Variants in DOCK8 observed in about 807,000 individuals in gnomAD.
DOCK8 encodes the protein dedicator of cytokinesis protein 8.
DOCK8 carries 141 observed loss-of-function variants against 245.6 expected under a neutral mutation model. That is an observed-to-expected ratio of 0.57 (90% CI 0.50 to 0.66). The LOEUF (loss-of-function observed/expected upper bound fraction) is 0.66. DOCK8 is among the 30% of genes least tolerant of loss of function. The pLI is 0.00. For synonymous variants in DOCK8, 1,168 were observed against 970.2 expected (o/e 1.20, Z -3.79); for missense variants, 2,965 against 2,603.4 (o/e 1.14, Z -3.02).
intron 11 of DOCK8, 113 bp downstream of exon 11, chr9:334,497 A>G: frequency 8.7e-7 from 1 of 1,155,448 alleles, no homozygotes. Context: ...GTGGGGAGGC[A>G]GAAGGAGATA....
chr9:400,013 T>TCACCAC (rs760976824), intron 26 of DOCK8, among the ~76,000 whole-genome samples: 7 of 45,732 alleles, frequency 1.5e-4, no homozygotes, highest in African/African-American at 6.0e-4. Flanking sequence ...ACCTCCACCA[T>TCACCAC]CACCACCACC....
rs562298644 is a variant in DOCK8 at position 337,041 on chromosome 9, T to C, written c.1422+323T>C. Among the ~76,000 whole-genome samples the C allele has an allele frequency of 3.9e-5, 6 of 152,160 alleles. No individual in the cohort carries two copies. In the South Asian group the frequency reaches 1.2e-3, roughly 32 times the overall value. ...TGAGCATGCTAGCTCAGGTCTCTCT[T>C]CCTGTTCTTATAAAGCCACCAGTTC... On this transcript the variant is annotated intron_variant, in intron 12 of 47. Coordinates refer to ENST00000432829, the MANE Select transcript of DOCK8 (RefSeq NM_203447.4).
At chr9:386,881 T>A (rs551480526) in intron 23 of DOCK8, among the ~76,000 whole-genome samples, 1 of 152,350 alleles carries the variant, frequency 6.6e-6, no homozygotes, top group South Asian at 2.1e-4. Context: ...GTATCATTTG[T>A]TTCAATACCA....
chr9:294,007 C>G (rs563697950), intron 4 of DOCK8, among the ~76,000 whole-genome samples: 1 of 152,144 alleles, frequency 6.6e-6, no homozygotes, highest in South Asian at 2.1e-4. Flanking sequence ...GCTTCCAGAT[C>G]TTTTCATACC....
Position 372,232 on chromosome 9 carries a change from T to G in DOCK8, c.2055T>G (p.Cys685Trp). Reference protein sequence around the residue: ...LNERLQTGSYCLPVALEKLPP... With the variant: ...LNERLQTGSYWLPVALEKLPP... ...AACGTCTTCAAACTGGATCCTACTG[T>G]CTCCCAGTTGCCTTGGAAAAATTGC... Residue 685 changes from cysteine (C) to tryptophan (W), a missense_variant, in exon 18 of 48, where the codon TGT (cysteine) becomes TGG (tryptophan). Physicochemically the swap from Cys to Trp is radical, Grantham distance 215. Transcript: ENST00000432829. 6.2e-7 allele frequency: 1 copy of G among 1,614,166 alleles called. No individual in the cohort carries two copies. Among genetic ancestry groups the G allele is most frequent in the Non-Finnish European group, 8.5e-7 (1 of 1,180,016 alleles).
Position 446,404 on chromosome 9 carries a change from T to G in DOCK8, c.5615T>G (p.Phe1872Cys). ...CAGATCACTTTTGTGGAGCCCTACT[T>G]TGATGAGTATGAGATGAAAGACAGG... ...YIQITFVEPY[F>C]DEYEMKDRVT... The change falls in exon 44 of 48, where the codon TTT becomes TGT. Residue 1872 changes from phenylalanine to cysteine, a missense_variant. Phe to Cys is a radical substitution (Grantham distance 205, BLOSUM62 -2). Coordinates refer to ENST00000432829, the MANE Select transcript of DOCK8 (RefSeq NM_203447.4). 6.2e-7 allele frequency: 1 copy of G among 1,614,166 alleles called. No homozygotes were observed.
Position 214,882 on chromosome 9 carries a change from CT to C in DOCK8, c.-93del. On this transcript the variant is annotated 5_prime_UTR_variant, in exon 1 of 48. Transcript: ENST00000432829. ...CGCCGACCGACAGACGAGGTTTGCG[CT>C]TGGCTGGGCATGTTCCGCGGCTACT... 1 of 1,602,162 alleles carries C rather than the reference CT, an allele frequency of 6.2e-7. No homozygotes were observed. Among genetic ancestry groups the C allele is most frequent in the Non-Finnish European group, 8.5e-7 (1 of 1,175,020 alleles).
intron 1 of DOCK8, among the ~76,000 whole-genome samples, chr9:248,983 G>C (rs1340338561): frequency 6.6e-6 from 1 of 152,184 alleles, no homozygotes; most frequent in Non-Finnish European, 1.5e-5. Context: ...TATGGAAAGA[G>C]GGCTGCCTCC....
At chr9:371,362 T>C in intron 16 of DOCK8, 66 bp from the exon 17 acceptor site, 1 of 1,599,154 alleles carries the variant, frequency 6.3e-7, no homozygotes, top group Non-Finnish European at 8.6e-7. Context: ...GGCTGTGGCG[T>C]TTTACAATCA....
At chr9:430,679 A>AG (rs1294453597) in intron 36 of DOCK8, among the ~76,000 whole-genome samples, 8 of 151,756 alleles carry the variant, frequency 5.3e-5, no homozygotes, top group Admixed American at 6.6e-5. Flanking sequence ...CAAAAAAAAA[A>AG]AAAGAAAGAA....
rs750127677 is a variant in DOCK8 at position 463,626 on chromosome 9, A to C, written c.6178A>C (p.Met2060Leu). Residue 2060 changes from methionine (M) to leucine (L), a missense_variant, in exon 47 of 48, where the codon ATG becomes CTG. Met to Leu is a conservative substitution (Grantham distance 15). Transcript: ENST00000432829. ...CAAGCTAAAAGAGAACCTCAGGCCA[A>C]TGATCGAGCGGAAAATTCCAGAACT... ...YNKLKENLRP[M>L]IERKIPELYK... The C allele has an allele frequency of 6.2e-7, 1 of 1,613,876 alleles. No individual in the cohort carries two copies.
chr9:257,868 T>C (rs1362490079), intron 1 of DOCK8, among the ~76,000 whole-genome samples: 4 of 152,202 alleles, frequency 2.6e-5, no homozygotes, highest in African/African-American at 9.6e-5. Flanking sequence ...GAGTTTAGGA[T>C]TCAGTAGGTC....
chr9:420,923 T>C, intron 31 of DOCK8, 26 bp from the exon 32 acceptor site: 3 of 1,614,116 alleles, frequency 1.9e-6, no homozygotes, highest in Non-Finnish European at 2.5e-6. Context: ...CCAAAGGACA[T>C]GTCCTCCTAC....
chr9:295,128 C>G (rs1385810195), intron 4 of DOCK8, among the ~76,000 whole-genome samples: 1 of 151,710 alleles, frequency 6.6e-6, no homozygotes, highest in Non-Finnish European at 1.5e-5. Flanking sequence ...CCATTGTACT[C>G]CAGCCTGGGC....
At chr9:382,794 C>T (rs747201285) in intron 22 of DOCK8, 109 bp downstream of exon 22, 141 of 1,422,680 alleles carry the variant, frequency 9.9e-5, no homozygotes, top group Non-Finnish European at 1.2e-4. Flanking sequence ...CCATGCTGGT[C>T]GGATGCTTTA....
Position 440,057 on chromosome 9 carries a change from C to T in DOCK8, c.5223+669C>T, listed in dbSNP as rs185890661. On this transcript the variant is annotated intron_variant, in intron 40 of 47. Transcript: ENST00000432829. ...TTTTTGAGACAGAGTCTAGCTCTGT[C>T]GCCCAGGCTGGAATGCAGTGGTGCA... Among the ~76,000 whole-genome samples the T allele has an allele frequency of 4.6e-5, 7 of 152,234 alleles. No homozygotes were observed. In the South Asian group the frequency reaches 6.2e-4, roughly 14 times the overall value.
chr9:422,298 G>A (rs746125616), intron 33 of DOCK8, among the ~76,000 whole-genome samples, 163 bp downstream of exon 33: 2 of 152,138 alleles, frequency 1.3e-5, no homozygotes, highest in African/African-American at 2.4e-5. Context: ...ATAATCAAAG[G>A]TATAGGGAGT....
At chr9:345,928 A>G (rs1039351438) in intron 14 of DOCK8, among the ~76,000 whole-genome samples, 3 of 152,052 alleles carry the variant, frequency 2.0e-5, no homozygotes, top group Admixed American at 6.5e-5. Flanking sequence ...GGGCATTCAT[A>G]AAATAAATCC....
At chr9:356,418 T>G (rs1263194053) in intron 14 of DOCK8, among the ~76,000 whole-genome samples, 1 of 151,406 alleles carries the variant, frequency 6.6e-6, no homozygotes, top group African/African-American at 2.4e-5. Context: ...TAATCCCAGC[T>G]ACTCCGGAGG....
Sources: allele counts gnomAD v4.1 joint callset (sites outside exome capture counted in the v4.1 genomes callset), GRCh38; gene constraint gnomAD v4.1.1; transcripts MANE v1.5; gene names NCBI Gene and HGNC (gene_info 2026-07-23, HGNC 2026-07-21).